The following CFLAR variants were observed in gnomAD, a reference collection of about 807,000 sequenced individuals.
CFLAR encodes CASP8 and FADD like apoptosis regulator, also known as CASP8 and FADD-like apoptosis regulator.
In CFLAR, 14 loss-of-function variants were observed where a neutral mutation model predicts 51.1. The observed-to-expected ratio is 0.27, with a 90% confidence interval of 0.18 to 0.43. CFLAR has a LOEUF of 0.43. Among genes scored for constraint, CFLAR ranks in the 20% least tolerant of loss-of-function variants. CFLAR has a pLI of 1.00. For missense variants in CFLAR, 390 were observed against 566.5 expected (o/e 0.69, Z 3.16); for synonymous variants, 210 against 211.6 (o/e 0.99, Z 0.06).
chr2:201,130,086 T>C lies in CFLAR; in HGVS notation c.221T>C (p.Met74Thr). The change falls in exon 2 of 10, where the codon ATG becomes ACG. Residue 74 changes from methionine (M) to threonine (T), a missense_variant. Physicochemically the swap from Met to Thr is moderately conservative, Grantham distance 81. Around this residue, in one of 2 missense-constraint regions of CFLAR, gnomAD observed 103 missense variants for 202.9 expected, o/e 0.51. Coordinates refer to ENST00000309955, the MANE Select transcript of CFLAR (RefSeq NM_003879.7). ...GACCTGCTCAAACGTATCTTGAAGA[T>C]GGACAGAAAAGCTGTGGAGACCCAC... ...RFDLLKRILK[M>T]DRKAVETHLL... is the part of the protein sequence containing the mutation. 6.2e-7 allele frequency: 1 copy of C among 1,600,894 alleles called. No homozygotes were observed. Among genetic ancestry groups the C allele is most frequent in the South Asian group, 1.1e-5 (1 of 90,794 alleles).
At position 201,160,668 on chromosome 2, in the gene CFLAR, T is replaced by G; in HGVS notation, c.1030T>G (p.Ser344Ala). 1 of 1,614,088 alleles carries G rather than the reference T, an allele frequency of 6.2e-7. No individual in the cohort carries two copies. The highest frequency in any genetic ancestry group is 8.5e-7 in the Non-Finnish European group (1 of 1,180,016). The change falls in exon 9 of 10, where the codon TCA becomes GCA. Residue 344 changes from serine to alanine, a missense_variant. By Grantham distance (99) the Ser-to-Ala change is moderately conservative. Around this residue, in one of 2 missense-constraint regions of CFLAR, gnomAD observed 287 missense variants for 363.6 expected, o/e 0.79. Coordinates refer to ENST00000309955, the MANE Select transcript of CFLAR (RefSeq NM_003879.7). The stretch of plus-strand genomic sequence containing the variant: ...CATCAGGAGGATGTTCATGGGAGAT[T>G]CATGCCCTTATCTAGCAGGGAAGCC... Reference protein sequence around the residue: ...HHIRRMFMGDSCPYLAGKPKM... With the variant: ...HHIRRMFMGDACPYLAGKPKM...
chr2:201,140,467 C>A (rs754004261), intron 5 of CFLAR, 28 bp downstream of exon 5: 2 of 1,543,310 alleles, frequency 1.3e-6, no homozygotes, highest in Non-Finnish European at 1.8e-6. Flanking sequence ...ATATGGAATC[C>A]CAGCATGAAA....
chr2:201,130,666 GA>G (rs369759159), intron 2 of CFLAR, among the ~76,000 whole-genome samples: 19 of 152,160 alleles, frequency 1.2e-4, no homozygotes, highest in African/African-American at 4.3e-4. Flanking sequence ...GCCTCCAGCT[GA>G]AACATGCTTT....
At chr2:201,139,070 C>T in intron 4 of CFLAR, 1 of 395,602 alleles carries the variant, frequency 2.5e-6, no homozygotes, top group South Asian at 1.9e-5. Flanking sequence ...ATAGGAGACT[C>T]CATTTTGTTC....
At chr2:201,128,692 T>C (rs890144519) in intron 1 of CFLAR, among the ~76,000 whole-genome samples, 1 of 152,156 alleles carries the variant, frequency 6.6e-6, no homozygotes, top group Admixed American at 6.6e-5. Flanking sequence ...CAATTTAGAG[T>C]TGGGTTGTGT....
intron 1 of CFLAR, among the ~76,000 whole-genome samples, chr2:201,119,526 C>CTA (rs907624527): frequency 6.8e-6 from 1 of 147,592 alleles, no homozygotes; most frequent in Non-Finnish European, 1.5e-5. Context: ...TTCTTTCTTA[C>CTA]TATAGATCAG....
chr2:201,132,427 A>G (rs866103998), intron 2 of CFLAR, among the ~76,000 whole-genome samples: 38 of 114,526 alleles, frequency 3.3e-4, no homozygotes, highest in African/African-American at 1.1e-3. Context: ...CTAGGGGGGG[A>G]AAAATATATA....
rs1280052749 is a variant in CFLAR, at chr2:201,170,237, G to A, written c.*6264G>A. ...AAGATAGACTGGATAAAGAAAATGT[G>A]GTACATATACACCATGGAATACTGT... On this transcript the variant is annotated 3_prime_UTR_variant, in exon 10 of 10. Transcript: ENST00000309955. 1 of 152,142 alleles carries A rather than the reference G, an allele frequency of 6.6e-6. No homozygotes were observed. The highest frequency in any genetic ancestry group is 1.9e-4 in the East Asian group (1 of 5,202). 9.4% of individuals were successfully genotyped at this position (152,142 alleles called of 1,614,324 possible). A position where few individuals can be genotyped will look rare whatever the true frequency, so the allele number is the denominator to read the frequency against.
rs373507262 is a variant in CFLAR, at chr2:201,117,982, T to G, written c.-138+1501T>G. ...GTTGGTCAGTCTGGTCTCGAACTCC[T>G]GACCTTAGGTGATCCGCCCGCCTCG... On this transcript the variant is annotated intron_variant, in intron 1 of 9. Transcript: ENST00000309955. Among the ~76,000 whole-genome samples, 4 of 152,052 alleles carry G rather than the reference T, an allele frequency of 2.6e-5. No homozygotes were observed. In the East Asian group the frequency reaches 7.7e-4, roughly 29 times the overall value.
In CFLAR at chr2:201,166,267, CA is replaced by C. The variant is rs199510011; in HGVS notation, c.*2295del. 4 of 144,944 alleles carry C rather than the reference CA, an allele frequency of 2.8e-5. No homozygotes were observed. Among genetic ancestry groups the C allele is most frequent in the Non-Finnish European group, 3.1e-5 (2 of 64,914 alleles). The allele number at this position is 144,944 out of a possible 1,614,324, so 9.0% of individuals were successfully genotyped here. Reference sequence around the variant, plus strand: ...GGCTGGCCGGGCGGGGGCTGACCCCCACGCCTCCCTCCCGGACGGGGCGGCT... The same window carrying C: ...GGCTGGCCGGGCGGGGGCTGACCCCCCGCCTCCCTCCCGGACGGGGCGGCT... On this transcript the variant is annotated 3_prime_UTR_variant, in exon 10 of 10. Coordinates refer to ENST00000309955, the MANE Select transcript of CFLAR (RefSeq NM_003879.7).
chr2:201,160,144 C>A (rs538546969), intron 8 of CFLAR, among the ~76,000 whole-genome samples: 9 of 152,252 alleles, frequency 5.9e-5, no homozygotes, highest in East Asian at 5.8e-4. Context: ...TTTTGTCCCC[C>A]CTTGGTTTGA....
In CFLAR at chr2:201,170,517, T is replaced by C. The variant is rs1943949106; in HGVS notation, c.*6544T>C. The C allele has an allele frequency of 6.6e-6, 1 of 152,246 alleles. No homozygotes were observed. Among genetic ancestry groups the C allele is most frequent in the African/African-American group, 2.4e-5 (1 of 41,474 alleles). The allele number at this position is 152,246 out of a possible 1,614,324, so 9.4% of individuals were successfully genotyped here. ...CAGCCTAATCCAGTTTGACATCATA[T>C]AGATAAGTAGTTGAATTATGGATTT... On this transcript the variant is annotated 3_prime_UTR_variant, in exon 10 of 10. Transcript: ENST00000309955.
chr2:201,117,427 T>C (rs2125566293), intron 1 of CFLAR, among the ~76,000 whole-genome samples: 1 of 152,248 alleles, frequency 6.6e-6, no homozygotes, highest in African/African-American at 2.4e-5. Flanking sequence ...TCAGAATCAG[T>C]TTTTGGCTCC....
At chr2:201,152,430 G>A (rs1252141048) in intron 8 of CFLAR, among the ~76,000 whole-genome samples, 1 of 152,224 alleles carries the variant, frequency 6.6e-6, no homozygotes, top group Non-Finnish European at 1.5e-5. Flanking sequence ...TGGGCAGAAT[G>A]AGAGTTCATA....
At position 201,138,665 on chromosome 2, in the gene CFLAR, C is replaced by A; in HGVS notation, c.524-1692C>A. 1 of 1,033,824 alleles carries A rather than the reference C, an allele frequency of 9.7e-7. No homozygotes were observed. Among genetic ancestry groups the A allele is most frequent in the Non-Finnish European group, 1.5e-6 (1 of 664,682 alleles). 64.0% of individuals were successfully genotyped at this position (1,033,824 alleles called of 1,614,324 possible). ...AGAAGCCATGACGCATCTTGGCCTC[C>A]AACACATCACCCACAGTGTGCAAGG... is the stretch of plus-strand genomic sequence containing the variant. On this transcript the variant is annotated intron_variant, in intron 4 of 9. Transcript: ENST00000309955. This position sits in a 1 kb window ranked among gnomAD's most constrained non-coding sequence, Gnocchi z 4.0.
At chr2:201,137,056 G>A (rs2050221492) in intron 4 of CFLAR, 1 of 176,252 alleles carries the variant, frequency 5.7e-6, no homozygotes. Context: ...ACCTCCCCTT[G>A]GCCTAGGTCT....
At chr2:201,163,390 C>A in intron 9 of CFLAR, 1 of 1,142,960 alleles carries the variant, frequency 8.7e-7, no homozygotes, top group Non-Finnish European at 1.1e-6. Context: ...TTCTGAGCCA[C>A]CTGTCAAATG....
intron 5 of CFLAR, chr2:201,144,388 A>T (rs1939670948): frequency 6.6e-6 from 1 of 152,232 alleles, no homozygotes; most frequent in Admixed American, 6.5e-5. Context: ...AGAATATTTG[A>T]TTATCAAGAA....
At chr2:201,120,328 C>G (rs1402893740) in intron 1 of CFLAR, among the ~76,000 whole-genome samples, 2 of 151,924 alleles carry the variant, frequency 1.3e-5, no homozygotes, top group Non-Finnish European at 2.9e-5. Flanking sequence ...TACACTTGTT[C>G]TGTATTTATG....
Sources: allele counts gnomAD v4.1 joint callset (sites outside exome capture counted in the v4.1 genomes callset), GRCh38; gene constraint gnomAD v4.1.1; regional missense constraint gnomAD v4.1.1; non-coding constraint Gnocchi (gnomAD v3.1); transcripts MANE v1.5; gene names NCBI Gene and HGNC (gene_info 2026-07-23, HGNC 2026-07-21).